Variants in APOB observed in about 807,000 individuals in gnomAD.
The protein encoded by APOB is apolipoprotein B.
Under a neutral mutation model 314.1 loss-of-function variants are expected in APOB, and 153 were observed. The observed-to-expected ratio is 0.49, with a 90% CI of 0.43 to 0.56. APOB has a LOEUF of 0.56. Ranked by LOEUF, APOB falls within the 20% of genes least tolerant of loss-of-function variation. The probability of loss-of-function intolerance (pLI) is 0.00; values close to 1 mark genes in which losing one functional copy is unlikely to be tolerated. For synonymous variants in APOB, 2,087 were observed against 2,036.4 expected, an observed-to-expected ratio of 1.02 and a Z score of -0.67; for missense variants, 5,430 against 5,350.7, an observed-to-expected ratio of 1.01 and a Z score of -0.46.
Position 21,007,784 on chromosome 2 carries a change from C to T in APOB, c.9084G>A (p.Lys3028=). 4 of 1,614,038 alleles carry T rather than the reference C, an allele frequency of 2.5e-6. No individual in the cohort carries two copies. Among genetic ancestry groups the T allele is most frequent in the Non-Finnish European group, 3.4e-6 (4 of 1,179,952 alleles). The change falls in exon 26 of 29, where the codon AAG becomes AAA. Residue 3028 remains lysine, a synonymous_variant. Coordinates refer to ENST00000233242, the MANE Select transcript of APOB (RefSeq NM_000384.3). ...TGRHDAHLNG[K]VIGTLKNSLF... is the part of the protein sequence containing the mutation. ...GAGAATTTTTCAAAGTTCCAATAAC[C>T]TTTCCATTTAAATGAGCATCATGCC...
Position 21,002,581 on chromosome 2 carries a change from G to A in APOB, c.12841C>T (p.Gln4281Ter). ...ELLKDLSKEA[Q>*]EVFKAIQSLK... ...GACTGAATGGCTTTAAATACCTCTT[G>A]GGCTTCTTTTGATAAATCTTTCAAC... Residue 4281 changes from glutamine to a stop codon, truncating the protein, a stop_gained, in exon 29 of 29, where the codon CAA (glutamine) becomes TAA (stop). Coordinates refer to ENST00000233242, the MANE Select transcript of APOB (RefSeq NM_000384.3). LOFTEE classifies it low-confidence loss of function (END_TRUNC). The A allele has an allele frequency of 2.5e-6, 4 of 1,613,908 alleles. No individual in the cohort carries two copies. The highest frequency in any genetic ancestry group is 3.4e-6 in the Non-Finnish European group (4 of 1,179,934).
In APOB at chr2:21,010,987, T is replaced by G; in HGVS notation, c.5881A>C (p.Ser1961Arg). ...CTGACTTTGTGTTCAAGAGCTGCAC[T>G]GATGCTTTTCCTAGACACGAGATGA... The part of the protein sequence containing the change: ...SHHLVSRKSI[S>R]AALEHKVSAL... The change falls in exon 26 of 29, where the codon AGT becomes CGT. Residue 1961 changes from serine (S) to arginine (R), a missense_variant. By Grantham distance (110) the Ser-to-Arg change is moderately radical. Coordinates refer to ENST00000233242, the MANE Select transcript of APOB (RefSeq NM_000384.3). 1 of 1,614,200 alleles carries G rather than the reference T, an allele frequency of 6.2e-7. No individual in the cohort carries two copies.
intron 16 of APOB, 49 bp from the exon 17 acceptor site, chr2:21,023,741 C>T (rs1039113225): frequency 1.4e-5 from 21 of 1,532,872 alleles, no homozygotes; most frequent in South Asian, 5.1e-5. Flanking sequence ...TTTTTAAAGT[C>T]GGTTTTGTTA....
rs1393100780 is a variant in APOB at position 21,012,492 on chromosome 2, C to T, written c.4376G>A (p.Ser1459Asn). 1.9e-6 allele frequency: 3 copies of T among 1,614,214 alleles called. No homozygotes were observed. The East Asian group carries it at 6.7e-5, about 36-fold the overall frequency. Residue 1459 changes from serine to asparagine, a missense_variant, in exon 26 of 29, where the codon AGT becomes AAT. Transcript: ENST00000233242. ...AGCAGACATCTGTGGTCCCCAGGAACTAGATGCATCGAATATTAGTAAACC... is the reference window on the plus strand; with the variant it reads ...AGCAGACATCTGTGGTCCCCAGGAATTAGATGCATCGAATATTAGTAAACC... ...SKGLLIFDAS[S>N]SWGPQMSASV...
intron 4 of APOB, 94 bp from the exon 5 acceptor site, chr2:21,038,205 T>G (rs887901910): frequency 1.5e-6 from 2 of 1,344,606 alleles, no homozygotes; most frequent in South Asian, 2.4e-5. Context: ...TTTCTCATAT[T>G]TTTTTAACCA....
intron 21 of APOB, 32 bp downstream of exon 21, chr2:21,016,407 G>A: frequency 5.2e-6 from 6 of 1,163,812 alleles, no homozygotes; most frequent in Non-Finnish European, 7.8e-6. Context: ...CAGGCCTGCA[G>A]TGCAGGTCAG....
Position 21,008,768 on chromosome 2 carries a change from G to A in APOB, c.8100C>T (p.Asp2700=). The A allele has an allele frequency of 1.2e-6, 2 of 1,614,032 alleles. No homozygotes were observed. The highest frequency in any genetic ancestry group is 2.2e-5 in the East Asian group (1 of 44,880). ...DIYLRDLKVE[D]IPLARITLPD... The stretch of plus-strand genomic sequence containing the variant: ...GCAGGGTGATTCTCGCTAGAGGAAT[G>A]TCCTCCACCTTCAGATCCCTGAGAT... The change falls in exon 26 of 29, where the codon GAC becomes GAT. Residue 2700 remains aspartate, a synonymous_variant. Transcript: ENST00000233242.
rs1033398160 is a variant in APOB, at chr2:21,013,103, C to G, written c.4216+57G>C. The stretch of plus-strand genomic sequence containing the variant: ...TCCTTTCCTCCCTGGAGGAGGCTCT[C>G]CTCTTAGAGCCTGCCATGAACTAGC... On this transcript the variant is annotated intron_variant, in intron 25 of 28. Coordinates refer to ENST00000233242, the MANE Select transcript of APOB (RefSeq NM_000384.3). 5.0e-6 allele frequency: 8 copies of G among 1,607,618 alleles called. No homozygotes were observed. In the African/African-American group the frequency reaches 6.7e-5, roughly 13 times the overall value.
chr2:21,011,301 A>G lies in APOB; in HGVS notation c.5567T>C (p.Val1856Ala), dbSNP rs1663314132. 1 of 1,614,154 alleles carries G rather than the reference A, an allele frequency of 6.2e-7. No individual in the cohort carries two copies. The highest frequency in any genetic ancestry group is 8.5e-7 in the Non-Finnish European group (1 of 1,179,972). Residue 1856 changes from valine (V) to alanine (A), a missense_variant, in exon 26 of 29, where the codon GTT (valine) becomes GCT (alanine). Physicochemically the swap from Val to Ala is moderately conservative, Grantham distance 64 (BLOSUM62 0). Around this residue, in one of 3 missense-constraint regions of APOB, gnomAD observed 3,281 missense variants for 3,171.0 expected, o/e 1.03. Transcript: ENST00000233242. ...AAACTCCACACCCTGAACCTTAGCA[A>G]CAGTGTCTGCTTTATAGCTTGCTGA... Reference protein sequence around the residue: ...ALSASYKADTVAKVQGVEFSH... With the variant: ...ALSASYKADTAAKVQGVEFSH...
At chr2:21,023,821 G>A in intron 16 of APOB, 129 bp from the exon 17 acceptor site, 1 of 721,518 alleles carries the variant, frequency 1.4e-6, no homozygotes, top group Non-Finnish European at 2.2e-6. Flanking sequence ...ATATTTTGAT[G>A]AGCTGAATAG....
chr2:21,036,553 G>C (rs1664008118), intron 6 of APOB, among the ~76,000 whole-genome samples: 1 of 152,166 alleles, frequency 6.6e-6, no homozygotes. Flanking sequence ...AGAGAGGAGA[G>C]GGTGCTCCAG....
At chr2:21,013,728 C>T (rs1663393687) in intron 24 of APOB, among the ~76,000 whole-genome samples, 195 bp from the exon 25 acceptor site, 1 of 152,192 alleles carries the variant, frequency 6.6e-6, no homozygotes, top group African/African-American at 2.4e-5. Context: ...TGACAAAGCT[C>T]TTCTAAGGGC....
Position 21,043,896 on chromosome 2 carries a change from A to G in APOB, c.50T>C (p.Leu17Pro). Residue 17 changes from leucine to proline, a missense_variant, in exon 1 of 29, where the codon CTG (leucine) becomes CCG (proline). Around this residue, in one of 3 missense-constraint regions of APOB, gnomAD observed 2,085 missense variants for 2,079.7 expected, o/e 1.00. Transcript: ENST00000233242. The part of the protein sequence containing the change: ...ALLALLALPA[L>P]LLLLLAGARA... ...GGCGCCCGCCAGCAGCAGCAGCAGC[A>G]GCGCAGGCAGCGCCAGCAGCGCCAG... 7.0e-7 allele frequency: 1 copy of G among 1,430,430 alleles called. No homozygotes were observed. Among genetic ancestry groups the G allele is most frequent in the Non-Finnish European group, 9.1e-7 (1 of 1,095,568 alleles). 88.6% of individuals were successfully genotyped at this position (1,430,430 alleles called of 1,614,324 possible). A position where few individuals can be genotyped will look rare whatever the true frequency, so the allele number is the denominator to read the frequency against.
rs756791670 is a variant in APOB at position 21,008,806 on chromosome 2, C to T, written c.8062G>A (p.Val2688Ile). 25 of 1,613,842 alleles carry T rather than the reference C, an allele frequency of 1.5e-5. No homozygotes were observed. Among genetic ancestry groups the T allele is most frequent in the South Asian group, 3.3e-5 (3 of 91,072 alleles). The change falls in exon 26 of 29, where the codon GTT becomes ATT. Residue 2688 changes from valine (V) to isoleucine (I), a missense_variant. Physicochemically the swap from Val to Ile is conservative, Grantham distance 29 (BLOSUM62 3). Coordinates refer to ENST00000233242, the MANE Select transcript of APOB (RefSeq NM_000384.3). ...QMLNSELQWPVPDIYLRDLKV... is the reference protein window; with the variant it reads ...QMLNSELQWPIPDIYLRDLKV... ...AGATCCCTGAGATATATATCTGGAA[C>T]GGGCCACTGCAGCTCACTGTTCAGC...
Position 21,036,017 on chromosome 2 carries a change from C to T in APOB, c.694-309G>A, listed in dbSNP as rs188513650. On this transcript the variant is annotated intron_variant, in intron 6 of 28. Transcript: ENST00000233242. ...AGTAACTTTTCTTTGCCCAAAAGCC[C>T]ATTCTTACATGTCTCTTTCATTTAC... is the stretch of plus-strand genomic sequence containing the variant. Among the ~76,000 whole-genome samples, 5 of 152,302 alleles carry T rather than the reference C, an allele frequency of 3.3e-5. No homozygotes were observed. The East Asian group carries it at 9.7e-4, about 29-fold the overall frequency.
chr2:21,024,854 G>A lies in APOB; in HGVS notation c.2436+79C>T, dbSNP rs1403114348. Reference sequence around the variant, plus strand: ...CATCTTTTCGGGCTTGTGCAGCTGGGATCGTAAGGGAGTCTGGGCGATCTA... The same window carrying A: ...CATCTTTTCGGGCTTGTGCAGCTGGAATCGTAAGGGAGTCTGGGCGATCTA... On this transcript the variant is annotated intron_variant, in intron 16 of 28. Transcript: ENST00000233242. 2.7e-6 allele frequency: 4 copies of A among 1,457,238 alleles called. No homozygotes were observed. The South Asian group carries it at 3.4e-5, about 12-fold the overall frequency. The allele number at this position is 1,457,238 out of a possible 1,614,324, so 90.3% of individuals were successfully genotyped here.
chr2:21,027,835 A>G lies in APOB; in HGVS notation c.2060T>C (p.Leu687Pro), dbSNP rs1663772117. Reference sequence around the variant, plus strand: ...CAAACTCTTCACACTTACCTCGATGAGGTCAGCTGAAGCAAATCCAAAGGC... The same window carrying G: ...CAAACTCTTCACACTTACCTCGATGGGGTCAGCTGAAGCAAATCCAAAGGC... Reference protein sequence around the residue: ...LTAFGFASADLIEIGLEGKGF... With the variant: ...LTAFGFASADPIEIGLEGKGF... Residue 687 changes from leucine (L) to proline (P), a missense_variant, in exon 14 of 29, where the codon CTC becomes CCC. This residue lies in a region of APOB where 2,085 missense variants were observed against 2,079.7 expected (regional missense o/e 1.00). Transcript: ENST00000233242. 1.2e-6 allele frequency: 2 copies of G among 1,611,534 alleles called. No individual in the cohort carries two copies. Among genetic ancestry groups the G allele is most frequent in the Non-Finnish European group, 1.7e-6 (2 of 1,177,600 alleles).
intron 15 of APOB, among the ~76,000 whole-genome samples, chr2:21,026,045 T>C (rs1299402638): frequency 6.6e-6 from 1 of 152,200 alleles, no homozygotes; most frequent in Non-Finnish European, 1.5e-5. Flanking sequence ...GTCTGCTTAT[T>C]GAACAACCAA....
rs281865425 is a variant in APOB at position 21,011,601 on chromosome 2, CTGTT to C, written c.5263_5266del (p.Asn1755ValfsTer2). ...CAGTGATAAGCCTGCAATGTTCAGACTGTTTGTGTGGTCAAATTTCATTTCAGCA... is the reference window on the plus strand; with the variant it reads ...CAGTGATAAGCCTGCAATGTTCAGACTGTGTGGTCAAATTTCATTTCAGCA... On this transcript the variant is annotated frameshift_variant, in exon 26 of 29. Coordinates refer to ENST00000233242, the MANE Select transcript of APOB (RefSeq NM_000384.3). LOFTEE classifies it high-confidence loss of function. The C allele has an allele frequency of 6.2e-7, 1 of 1,614,148 alleles. No individual in the cohort carries two copies. The highest frequency in any genetic ancestry group is 8.5e-7 in the Non-Finnish European group (1 of 1,180,024).
Sources: gnomAD v4.1 joint callset for allele counts (sites outside exome capture counted in the v4.1 genomes callset) on GRCh38, gnomAD v4.1.1 for gene constraint, gnomAD v4.1.1 regional missense constraint, MANE v1.5 for transcripts, NCBI Gene and HGNC (gene_info 2026-07-23, HGNC 2026-07-21) for gene names.